FAM227B: variants seen among roughly 807,000 people sequenced by gnomAD.
The protein encoded by FAM227B is protein FAM227B.
FAM227B carries 88 observed loss-of-function variants against 73.8 expected under a neutral mutation model. The ratio of observed to expected loss-of-function variants is 1.19; its 90% CI spans 1.00 to 1.42. The LOEUF is 1.42. Among genes scored for constraint, FAM227B ranks in the 40% most tolerant of loss-of-function variants. FAM227B has a pLI of 0.00. For synonymous variants in FAM227B, 210 were observed against 190.5 expected (o/e 1.10, Z -0.84); for missense variants, 632 against 590.9 (o/e 1.07, Z -0.72).
At chr15:49,594,368 T>C (rs192868968) in intron 3 of FAM227B, among the ~76,000 whole-genome samples, 91 of 152,336 alleles carry the variant, frequency 6.0e-4, no homozygotes, top group African/African-American at 1.9e-3. Context: ...TTTGCAACTC[T>C]ATGGGTTGTC....
chr15:49,592,242 G>C (rs1466114727), intron 3 of FAM227B, among the ~76,000 whole-genome samples: 2 of 152,124 alleles, frequency 1.3e-5, no homozygotes, highest in South Asian at 2.1e-4. Context: ...TTGGAGAAGA[G>C]GTGCTCTGGT....
At chr15:49,543,298 G>A (rs559289911) in intron 9 of FAM227B, among the ~76,000 whole-genome samples, 1 of 152,100 alleles carries the variant, frequency 6.6e-6, no homozygotes, top group East Asian at 1.9e-4. Context: ...TTGGCCATTT[G>A]TATATCTTCT....
intron 9 of FAM227B, among the ~76,000 whole-genome samples, chr15:49,542,212 C>T (rs1273003230): frequency 2.0e-5 from 3 of 152,124 alleles, no homozygotes; most frequent in African/African-American, 7.2e-5. Flanking sequence ...GTTTTGTGAA[C>T]AGATTATTTC....
chr15:49,463,790 A>G (rs961556600), intron 11 of FAM227B, among the ~76,000 whole-genome samples: 2 of 152,204 alleles, frequency 1.3e-5, no homozygotes, highest in Non-Finnish European at 2.9e-5. Context: ...TTTATGGAAT[A>G]GATTCTGAGG....
intron 11 of FAM227B, among the ~76,000 whole-genome samples, chr15:49,428,430 A>G (rs1338346057): frequency 6.6e-6 from 1 of 152,028 alleles, no homozygotes; most frequent in African/African-American, 2.4e-5. Flanking sequence ...GGTGAAATGA[A>G]TGGTCGATAC....
intron 11 of FAM227B, among the ~76,000 whole-genome samples, chr15:49,420,744 C>T (rs34813196): frequency 0.43 from 66,091 of 152,002 alleles, 14,571 homozygotes; most frequent in African/African-American, 0.5. Flanking sequence ...CTCGCTTTGT[C>T]ACCTAGGCTG....
intron 11 of FAM227B, among the ~76,000 whole-genome samples, chr15:49,384,681 G>A (rs1044756440): frequency 6.6e-6 from 1 of 151,890 alleles, no homozygotes; most frequent in Non-Finnish European, 1.5e-5. Context: ...GTATAAATAA[G>A]CTGTGGCACA....
intron 5 of FAM227B, among the ~76,000 whole-genome samples, chr15:49,586,041 T>C (rs1244836933): frequency 6.6e-6 from 1 of 151,972 alleles, no homozygotes; most frequent in East Asian, 1.9e-4. Context: ...TTTAAATTCA[T>C]ATGGAACCAA....
intron 10 of FAM227B, among the ~76,000 whole-genome samples, chr15:49,521,798 G>A (rs1471142282): frequency 6.6e-6 from 1 of 152,068 alleles, no homozygotes; most frequent in African/African-American, 2.4e-5. Context: ...CTATGACAGG[G>A]GCATGATAGG....
intron 3 of FAM227B, among the ~76,000 whole-genome samples, chr15:49,591,045 A>ATTTTT (rs748799826): frequency 1.9e-3 from 140 of 72,524 alleles, no homozygotes; most frequent in East Asian, 4.8e-3. Context: ...TTTTTTTTTG[A>ATTTTT]TTTTTTTTTT....
intron 14 of FAM227B, among the ~76,000 whole-genome samples, chr15:49,334,965 T>C (rs988940228): frequency 2.0e-5 from 3 of 152,334 alleles, no homozygotes; most frequent in Admixed American, 1.3e-4. Flanking sequence ...TAAATTATTA[T>C]GAATAACTGC....
At chr15:49,480,474 A>ATTTTTTTT (rs35283556) in intron 11 of FAM227B, among the ~76,000 whole-genome samples, 1 of 100,914 alleles carries the variant, frequency 9.9e-6, no homozygotes, top group African/African-American at 4.1e-5. Context: ...TGCCCAACTA[A>ATTTTTTTT]TTTTTTTTTT....
At chr15:49,499,442 C>G (rs1156656019) in intron 11 of FAM227B, among the ~76,000 whole-genome samples, 1 of 152,024 alleles carries the variant, frequency 6.6e-6, no homozygotes, top group African/African-American at 2.4e-5. Context: ...TGTTTGTGAA[C>G]TGACAAACTC....
At chr15:49,567,665 A>G (rs1253411723) in intron 9 of FAM227B, among the ~76,000 whole-genome samples, 1 of 152,160 alleles carries the variant, frequency 6.6e-6, no homozygotes, top group Non-Finnish European at 1.5e-5. Context: ...TTTGAATATG[A>G]CTTGTGTTTT....
At chr15:49,613,711 T>C (rs2078104841) in intron 2 of FAM227B, among the ~76,000 whole-genome samples, 1 of 152,150 alleles carries the variant, frequency 6.6e-6, no homozygotes, top group Non-Finnish European at 1.5e-5. Context: ...ATATATTGTA[T>C]GTATCAAAAA....
intron 4 of FAM227B, 74 bp from the exon 5 acceptor site, chr15:49,588,157 A>G: frequency 1.1e-6 from 1 of 899,916 alleles, no homozygotes; most frequent in Middle Eastern, 4.2e-4. Context: ...AAAATTTTAA[A>G]TACTTTAAAC....
At chr15:49,550,707 C>T (rs1363677914) in intron 9 of FAM227B, among the ~76,000 whole-genome samples, 1 of 151,962 alleles carries the variant, frequency 6.6e-6, no homozygotes, top group Non-Finnish European at 1.5e-5. Context: ...AGACGCTCCT[C>T]ACTTCCTAGA....
At chr15:49,542,947 C>A (rs1324489060) in intron 9 of FAM227B, among the ~76,000 whole-genome samples, 2 of 151,830 alleles carry the variant, frequency 1.3e-5, no homozygotes, top group Non-Finnish European at 2.9e-5. Flanking sequence ...TTTGCAATTG[C>A]AAATTGTGCT....
chr15:49,329,446 T>C, intron 15 of FAM227B: 1 of 984,934 alleles, frequency 1.0e-6, no homozygotes, highest in Non-Finnish European at 1.2e-6. Context: ...ATTCTGTGAT[T>C]TCATTAGCTC....
Sources: allele counts gnomAD v4.1 joint callset (sites outside exome capture counted in the v4.1 genomes callset), GRCh38; gene constraint gnomAD v4.1.1; transcripts MANE v1.5; gene names NCBI Gene and HGNC (gene_info 2026-07-23, HGNC 2026-07-21).